The following CSMD1 variants were observed in gnomAD, a reference collection of about 807,000 sequenced individuals.
The protein encoded by CSMD1 is CUB and sushi domain-containing protein 1.
Under a neutral mutation model 417.5 loss-of-function variants are expected in CSMD1, and 213 were observed. The ratio of observed to expected loss-of-function variants is 0.51; its 90% CI spans 0.46 to 0.57. The LOEUF is 0.57. Among genes scored for constraint, CSMD1 ranks in the 20% least tolerant of loss-of-function variants. The probability of loss-of-function intolerance (pLI) is 0.00; values close to 1 mark genes in which losing one functional copy is unlikely to be tolerated. For missense variants in CSMD1, 6,923 were observed against 4,529.7 expected (o/e 1.53, Z -15.17); for synonymous variants, 2,862 against 1,736.8 (o/e 1.65, Z -16.11).
chr8:4,712,166 A>G (rs1390658702), intron 1 of CSMD1, among the ~76,000 whole-genome samples: 1 of 152,128 alleles, frequency 6.6e-6, no homozygotes, highest in Non-Finnish European at 1.5e-5. Flanking sequence ...AACCTCTTCT[A>G]TTTCATTTCT....
intron 5 of CSMD1, among the ~76,000 whole-genome samples, chr8:3,910,721 G>C (rs1048675665): frequency 1.3e-5 from 2 of 152,090 alleles, no homozygotes; most frequent in Admixed American, 6.6e-5. Flanking sequence ...GACCATTAAG[G>C]ATATAAAAAC....
chr8:3,319,584 C>A (rs950044753), intron 23 of CSMD1, among the ~76,000 whole-genome samples: 1 of 152,114 alleles, frequency 6.6e-6, no homozygotes, highest in Non-Finnish European at 1.5e-5. Context: ...CTTCCGCACA[C>A]ATTCAACAAT....
chr8:4,023,570 T>G (rs1796894595), intron 4 of CSMD1, among the ~76,000 whole-genome samples: 2 of 148,060 alleles, frequency 1.4e-5, no homozygotes, highest in African/African-American at 2.5e-5. Flanking sequence ...TATGAATGCT[T>G]ACTGCTTTTC....
chr8:3,256,877 C>A (rs1585821413), intron 26 of CSMD1, among the ~76,000 whole-genome samples: 3 of 152,152 alleles, frequency 2.0e-5, no homozygotes, highest in Non-Finnish European at 4.4e-5. Flanking sequence ...GGAGATTTTT[C>A]AACTCTTAGC....
intron 2 of CSMD1, among the ~76,000 whole-genome samples, chr8:4,429,486 G>A (rs1258504314): frequency 2.0e-5 from 3 of 150,294 alleles, no homozygotes; most frequent in African/African-American, 7.3e-5. Flanking sequence ...TGTCAATTGG[G>A]AAACAGATTA....
chr8:4,931,463 C>T (rs1162634915), intron 1 of CSMD1, among the ~76,000 whole-genome samples: 2 of 152,188 alleles, frequency 1.3e-5, no homozygotes. Flanking sequence ...AGCCTGCCCA[C>T]CGTCTGTCCC....
In CSMD1 at chr8:4,100,332, C is replaced by G. The variant is rs558506945; in HGVS notation, c.416-68233G>C. On this transcript the variant is annotated intron_variant, in intron 3 of 69. Coordinates refer to ENST00000635120, the MANE Select transcript of CSMD1 (RefSeq NM_033225.6). ...AAATGAAACCTTCACCAAATGAATGCCTCGTGACTTCTAGATTCTGGCAGC... is the reference window on the plus strand; with the variant it reads ...AAATGAAACCTTCACCAAATGAATGGCTCGTGACTTCTAGATTCTGGCAGC... Among the ~76,000 whole-genome samples, 20 of 152,216 alleles carry G rather than the reference C, an allele frequency of 1.3e-4. 1 individual carries two copies. In the South Asian group the frequency reaches 3.7e-3, roughly 28 times the overall value.
chr8:4,554,741 C>T (rs1015814693), intron 2 of CSMD1, among the ~76,000 whole-genome samples: 6 of 152,168 alleles, frequency 3.9e-5, no homozygotes, highest in Admixed American at 6.5e-5. Flanking sequence ...GTGATGTATT[C>T]GAACTTTATT....
At chr8:3,363,733 C>A (rs1809357955) in intron 20 of CSMD1, among the ~76,000 whole-genome samples, 1 of 152,062 alleles carries the variant, frequency 6.6e-6, no homozygotes, top group South Asian at 2.1e-4. Context: ...CAAAGTGGTC[C>A]AACTTTTAAC....
At chr8:4,409,988 A>C (rs969697172) in intron 3 of CSMD1, among the ~76,000 whole-genome samples, 2 of 152,040 alleles carry the variant, frequency 1.3e-5, no homozygotes, top group East Asian at 3.9e-4. Context: ...AAATTTTTGT[A>C]TTTTTAGTAG....
intron 3 of CSMD1, among the ~76,000 whole-genome samples, chr8:4,413,066 T>G (rs1204214316): frequency 6.6e-6 from 1 of 152,200 alleles, no homozygotes; most frequent in Non-Finnish European, 1.5e-5. Context: ...ATTACGCATA[T>G]AATTTCACAG....
At chr8:4,746,275 G>A (rs749980654) in intron 1 of CSMD1, among the ~76,000 whole-genome samples, 1 of 152,148 alleles carries the variant, frequency 6.6e-6, no homozygotes, top group Non-Finnish European at 1.5e-5. Flanking sequence ...TCTAGGTGAC[G>A]TACTTAGAGC....
At chr8:4,196,141 GT>G (rs1799328101) in intron 3 of CSMD1, among the ~76,000 whole-genome samples, 7 of 152,172 alleles carry the variant, frequency 4.6e-5, no homozygotes, top group Admixed American at 2.6e-4. Context: ...AACCCGGGAA[GT>G]GGAGCTTGCA....
chr8:4,020,457 G>A (rs551017227), intron 4 of CSMD1, among the ~76,000 whole-genome samples: 2 of 152,316 alleles, frequency 1.3e-5, no homozygotes, highest in South Asian at 4.1e-4. Flanking sequence ...ATAGGATAGG[G>A]CTTGGTTATG....
At chr8:4,036,815 T>TA (rs1272171435) in intron 3 of CSMD1, among the ~76,000 whole-genome samples, 9 of 152,212 alleles carry the variant, frequency 5.9e-5, no homozygotes, top group African/African-American at 2.2e-4. Flanking sequence ...GAAAAATAAA[T>TA]AGATTCCTGA....
intron 10 of CSMD1, among the ~76,000 whole-genome samples, chr8:3,499,966 C>T (rs1048849018): frequency 6.6e-6 from 1 of 152,080 alleles, no homozygotes; most frequent in African/African-American, 2.4e-5. Context: ...CTGCAGGTAG[C>T]TCCCTACCCT....
At chr8:3,787,332 A>T (rs183339621) in intron 5 of CSMD1, among the ~76,000 whole-genome samples, 5 of 152,316 alleles carry the variant, frequency 3.3e-5, no homozygotes, top group Admixed American at 2.0e-4. Context: ...AGCTATAGAG[A>T]AAACAGTTCA....
At chr8:3,435,029 G>T (rs538899041) in intron 12 of CSMD1, among the ~76,000 whole-genome samples, 54 of 150,806 alleles carry the variant, frequency 3.6e-4, no homozygotes, top group Middle Eastern at 3.4e-3. Context: ...ACAGGACTGG[G>T]AGCTGGTAGC....
At chr8:4,897,255 G>C (rs17071778) in intron 1 of CSMD1, among the ~76,000 whole-genome samples, 2 of 151,888 alleles carry the variant, frequency 1.3e-5, no homozygotes, top group Admixed American at 6.6e-5. Flanking sequence ...TCCTTTCATC[G>C]TATCAACCAA....
Sources: gnomAD v4.1 joint callset for allele counts (sites outside exome capture counted in the v4.1 genomes callset) on GRCh38, gnomAD v4.1.1 for gene constraint, MANE v1.5 for transcripts, NCBI Gene and HGNC (gene_info 2026-07-23, HGNC 2026-07-21) for gene names.